HOOK3: variants seen among roughly 807,000 people sequenced by gnomAD.
HOOK3 encodes the protein protein Hook homolog 3.
HOOK3 carries 24 observed loss-of-function variants against 116.3 expected under a neutral mutation model. That is an observed-to-expected ratio of 0.21 (90% CI 0.15 to 0.29). HOOK3 has a LOEUF of 0.29. HOOK3 is among the 10% of genes least tolerant of loss of function. The probability of loss-of-function intolerance (pLI) is 1.00; values close to 1 mark genes in which losing one functional copy is unlikely to be tolerated. For synonymous variants in HOOK3, 275 were observed against 283.0 expected, an observed-to-expected ratio of 0.97 and a Z score of 0.28; for missense variants, 632 against 830.2, an observed-to-expected ratio of 0.76 and a Z score of 2.93.
intron 15 of HOOK3, among the ~76,000 whole-genome samples, chr8:42,997,171 G>A (rs1809295178): frequency 1.3e-5 from 2 of 152,204 alleles, no homozygotes; most frequent in African/African-American, 4.8e-5. Context: ...GCCTCCCAAA[G>A]TGCTGGCATG....
intron 13 of HOOK3, among the ~76,000 whole-genome samples, chr8:42,979,060 T>A (rs1298166866): frequency 6.6e-6 from 1 of 152,076 alleles, no homozygotes; most frequent in African/African-American, 2.4e-5. Context: ...GAGCTTGAGT[T>A]TAGCCTGGCC....
At position 42,906,235 on chromosome 8, in the gene HOOK3, G is replaced by GC; in HGVS notation, c.120_121insC (p.Met41HisfsTer14). On this transcript the variant is annotated frameshift_variant, in exon 2 of 22. Coordinates refer to ENST00000307602, the MANE Select transcript of HOOK3 (RefSeq NM_032410.4). LOFTEE classifies it high-confidence loss of function. Reference sequence around the variant, plus strand: ...TGGAAGATTTAACGAATGGGGTTGTGATGGCCCAGGTTCTTCAAAAGATGT... The same window carrying GC: ...TGGAAGATTTAACGAATGGGGTTGTGCATGGCCCAGGTTCTTCAAAAGATGT... The GC allele has an allele frequency of 6.3e-7, 1 of 1,592,676 alleles. No individual in the cohort carries two copies. The highest frequency in any genetic ancestry group is 8.6e-7 in the Non-Finnish European group (1 of 1,166,598).
At chr8:42,956,260 GTGTGT>G (rs1338835807) in intron 6 of HOOK3, among the ~76,000 whole-genome samples, 3 of 151,064 alleles carry the variant, frequency 2.0e-5, no homozygotes, top group African/African-American at 7.3e-5. Context: ...GTGTGTGTGT[GTGTGT>G]TATCATTAAA....
At chr8:42,973,163 C>T in intron 11 of HOOK3, 126 bp from the exon 12 acceptor site, 1 of 1,039,284 alleles carries the variant, frequency 9.6e-7, no homozygotes, top group Non-Finnish European at 1.4e-6. Flanking sequence ...CTGTGTTAGA[C>T]TGCTGGATCA....
intron 15 of HOOK3, among the ~76,000 whole-genome samples, chr8:42,991,158 T>G (rs964955630): frequency 1.3e-5 from 2 of 152,218 alleles, no homozygotes; most frequent in African/African-American, 4.8e-5. Flanking sequence ...TGTGTCTGTT[T>G]TTATGTAAGT....
At chr8:42,943,788 T>A (rs1455743819) in intron 5 of HOOK3, among the ~76,000 whole-genome samples, 3 of 152,198 alleles carry the variant, frequency 2.0e-5, no homozygotes, top group Non-Finnish European at 4.4e-5. Flanking sequence ...TAATAGATAT[T>A]CAGGTCTGCC....
intron 13 of HOOK3, among the ~76,000 whole-genome samples, chr8:42,975,036 CG>C (rs1808794505): frequency 6.6e-6 from 1 of 152,152 alleles, no homozygotes; most frequent in East Asian, 1.9e-4. Flanking sequence ...GGCGTAGCGA[CG>C]GGAAGGGGTG....
At chr8:42,915,124 A>T (rs950723401) in intron 2 of HOOK3, among the ~76,000 whole-genome samples, 3 of 152,086 alleles carry the variant, frequency 2.0e-5, no homozygotes, top group Non-Finnish European at 4.4e-5. Context: ...CACTGGGTGG[A>T]CTTTGCTCCC....
In HOOK3 at chr8:43,026,013, T is replaced by C. The variant is rs1809927427; in HGVS notation, c.*7515T>C. ...AGCTTAGAGGAAGAATTAGGTATCATGAGAAAAGCAACTCCTACTTGAGAG... is the reference window on the plus strand; with the variant it reads ...AGCTTAGAGGAAGAATTAGGTATCACGAGAAAAGCAACTCCTACTTGAGAG... On this transcript the variant is annotated 3_prime_UTR_variant, in exon 22 of 22. Transcript: ENST00000307602. 1 of 210,612 alleles carries C rather than the reference T, an allele frequency of 4.7e-6. No individual in the cohort carries two copies. Among genetic ancestry groups the C allele is most frequent in the Non-Finnish European group, 9.6e-6 (1 of 103,848 alleles). 13.0% of individuals were successfully genotyped at this position (210,612 alleles called of 1,614,324 possible).
At chr8:42,967,955 A>G (rs1808661612) in intron 10 of HOOK3, 58 bp from the exon 11 acceptor site, 1 of 970,470 alleles carries the variant, frequency 1.0e-6, no homozygotes, top group South Asian at 1.4e-5. Flanking sequence ...TTAACACTGA[A>G]ACAACTTTAC....
chr8:43,000,456 TAAA>T (rs1409224108), intron 16 of HOOK3, among the ~76,000 whole-genome samples: 2 of 152,214 alleles, frequency 1.3e-5, no homozygotes, highest in Non-Finnish European at 2.9e-5. Context: ...ATCGAGCTCT[TAAA>T]GAGTCAGCCA....
At chr8:42,986,858 C>A in intron 15 of HOOK3, 63 bp downstream of exon 15, 1 of 1,540,060 alleles carries the variant, frequency 6.5e-7, no homozygotes, top group Non-Finnish European at 8.9e-7. Flanking sequence ...GATTCTGAAT[C>A]CCTTAAACAA....
intron 4 of HOOK3, among the ~76,000 whole-genome samples, chr8:42,939,324 G>C (rs369935071): frequency 1.3e-5 from 2 of 151,404 alleles, no homozygotes; most frequent in African/African-American, 4.9e-5. Flanking sequence ...CCTCCCGGAC[G>C]GGGCGGCTGG....
At chr8:43,001,936 C>T (rs1809389373) in intron 16 of HOOK3, among the ~76,000 whole-genome samples, 171 bp from the exon 17 acceptor site, 1 of 152,084 alleles carries the variant, frequency 6.6e-6, no homozygotes, top group South Asian at 2.1e-4. Flanking sequence ...CTGTGCTCTC[C>T]CTTTATTAAA....
chr8:42,992,710 CAAAAAAA>C (rs35064772), intron 15 of HOOK3, among the ~76,000 whole-genome samples: 9 of 56,608 alleles, frequency 1.6e-4, no homozygotes, highest in South Asian at 6.6e-4. Context: ...GACTCCATCT[CAAAAAAA>C]AAAAAAAAAA....
chr8:42,958,807 C>T (rs1390290500), intron 7 of HOOK3, among the ~76,000 whole-genome samples: 1 of 151,786 alleles, frequency 6.6e-6, no homozygotes, highest in East Asian at 1.9e-4. Flanking sequence ...TCCCCCACCC[C>T]CCAGCATAAG....
intron 4 of HOOK3, among the ~76,000 whole-genome samples, chr8:42,939,341 G>C (rs924194716): frequency 4.0e-5 from 6 of 151,274 alleles, no homozygotes; most frequent in South Asian, 2.1e-4. Flanking sequence ...CTGGTCGGGC[G>C]GGGGGCTGAC....
At chr8:42,988,314 C>T (rs991012381) in intron 15 of HOOK3, among the ~76,000 whole-genome samples, 15 of 152,276 alleles carry the variant, frequency 9.9e-5, no homozygotes, top group African/African-American at 3.1e-4. Flanking sequence ...CTCATTCATC[C>T]TTTGCCTCTG....
chr8:42,898,289 C>G (rs1807095221), intron 1 of HOOK3, among the ~76,000 whole-genome samples: 2 of 152,314 alleles, frequency 1.3e-5, no homozygotes, highest in South Asian at 4.1e-4. Flanking sequence ...CTGAAACAGA[C>G]TTGGTAGAGC....
Sources: allele counts gnomAD v4.1 joint callset (sites outside exome capture counted in the v4.1 genomes callset), GRCh38; gene constraint gnomAD v4.1.1; transcripts MANE v1.5; gene names NCBI Gene and HGNC (gene_info 2026-07-23, HGNC 2026-07-21).